NALCN: variants seen among roughly 807,000 people sequenced by gnomAD.
NALCN encodes sodium leak channel NALCN.
Under a neutral mutation model 225.3 loss-of-function variants are expected in NALCN, and 111 were observed. That is an observed-to-expected ratio of 0.49 (90% CI 0.42 to 0.58). The LOEUF is 0.58. NALCN is among the 20% of genes least tolerant of loss of function. The pLI is 0.00. For missense variants in NALCN, 1,378 were observed against 2,202.4 expected, an observed-to-expected ratio of 0.63 and a Z score of 7.49; for synonymous variants, 764 against 769.0, an observed-to-expected ratio of 0.99 and a Z score of 0.11.
intron 10 of NALCN, among the ~76,000 whole-genome samples, chr13:101,271,750 G>A (rs1408404915): frequency 2.6e-5 from 4 of 151,388 alleles, no homozygotes; most frequent in Admixed American, 6.6e-5. Context: ...CTGAGTATGC[G>A]TGAGGTGTGT....
chr13:101,158,619 G>A (rs941860618), intron 15 of NALCN, among the ~76,000 whole-genome samples: 5 of 152,176 alleles, frequency 3.3e-5, no homozygotes, highest in African/African-American at 1.2e-4. Context: ...ACCCCCATCT[G>A]CACCATTCTT....
intron 10 of NALCN, among the ~76,000 whole-genome samples, chr13:101,273,855 AGCCTGG>A (rs1472627045): frequency 6.8e-6 from 1 of 148,012 alleles, no homozygotes; most frequent in Non-Finnish European, 1.5e-5. Context: ...ACCGCACTCC[AGCCTGG>A]GCGACAGAGC....
At chr13:101,293,532 T>C (rs2043625794) in intron 7 of NALCN, among the ~76,000 whole-genome samples, 1 of 152,214 alleles carries the variant, frequency 6.6e-6, no homozygotes, top group Admixed American at 6.5e-5. Flanking sequence ...TTACAGAATA[T>C]AAAACCAATC....
chr13:101,121,164 G>A (rs2035954960), intron 18 of NALCN, among the ~76,000 whole-genome samples: 8 of 152,078 alleles, frequency 5.3e-5, no homozygotes, highest in Admixed American at 5.2e-4. Flanking sequence ...CCAGCCAGGG[G>A]GGATTTAACA....
chr13:101,355,168 A>T (rs1174093580), intron 6 of NALCN, among the ~76,000 whole-genome samples: 1 of 152,156 alleles, frequency 6.6e-6, no homozygotes, highest in Non-Finnish European at 1.5e-5. Flanking sequence ...GAAGCTGAGC[A>T]GGTGCCTGGT....
chr13:101,058,427 CAGTCTACTGT>C, intron 42 of NALCN: 2 of 150,022 alleles, frequency 1.3e-5, no homozygotes, highest in Non-Finnish European at 2.9e-5. Flanking sequence ...TGGGCGGGGG[CAGTCTACTGT>C]CACCAGCCTG....
At chr13:101,311,251 A>G (rs1285701895) in intron 7 of NALCN, among the ~76,000 whole-genome samples, 1 of 151,526 alleles carries the variant, frequency 6.6e-6, no homozygotes, top group Non-Finnish European at 1.5e-5. Context: ...CAGCTTAAGG[A>G]GATTTTGGGC....
intron 11 of NALCN, among the ~76,000 whole-genome samples, chr13:101,252,061 T>C (rs2140194558): frequency 6.6e-6 from 1 of 152,346 alleles, no homozygotes; most frequent in East Asian, 1.9e-4. Context: ...AAAATTTCTT[T>C]GATAAATCAT....
intron 17 of NALCN, among the ~76,000 whole-genome samples, chr13:101,133,989 G>T (rs2036640065): frequency 6.6e-6 from 1 of 152,078 alleles, no homozygotes; most frequent in Non-Finnish European, 1.5e-5. Flanking sequence ...CTAACATGGT[G>T]AAACCCCGTC....
At chr13:101,192,174 A>C (rs2039708632) in intron 13 of NALCN, 120 bp from the exon 14 acceptor site, 1 of 1,116,424 alleles carries the variant, frequency 9.0e-7, no homozygotes, top group Non-Finnish European at 1.2e-6. Flanking sequence ...TGATCAGGGC[A>C]AGAACAGTCT....
At chr13:101,279,087 T>G (rs1438401291) in intron 10 of NALCN, among the ~76,000 whole-genome samples, 1 of 151,354 alleles carries the variant, frequency 6.6e-6, no homozygotes, top group Non-Finnish European at 1.5e-5. Context: ...GTAATGGAAT[T>G]TCCCCTGGTT....
Position 101,372,994 on chromosome 13 carries a change from T to C in NALCN, c.644+3706A>G, listed in dbSNP as rs548611325. The C allele has an allele frequency of 5.8e-4, 179 of 309,154 alleles. 1 individual carries two copies. The highest frequency in any genetic ancestry group is 4.0e-3 in the African/African-American group (175 of 44,182). 19.2% of individuals were successfully genotyped at this position (309,154 alleles called of 1,614,324 possible). Reference sequence around the variant, plus strand: ...TCAGGAAAAAATGGCTTATTACCACTATTCTACAGATGTTAAAAAGATAAT... The same window carrying C: ...TCAGGAAAAAATGGCTTATTACCACCATTCTACAGATGTTAAAAAGATAAT... On this transcript the variant is annotated intron_variant, in intron 6 of 43. Transcript: ENST00000251127.
chr13:101,055,391 A>G lies in NALCN; in HGVS notation c.5121T>C (p.Thr1707=). 6.2e-7 allele frequency: 1 copy of G among 1,614,178 alleles called. No individual in the cohort carries two copies. The highest frequency in any genetic ancestry group is 8.5e-7 in the Non-Finnish European group (1 of 1,180,012). The change falls in exon 44 of 44, where the codon ACT becomes ACC. Residue 1707 remains threonine (T), a synonymous_variant. Transcript: ENST00000251127. ...KSVVCKMNPM[T]DAASCGSEVK... ...CTTCAGAACCGCAGGAAGCCGCGTC[A>G]GTCATGGGGTTCATTTTGCACACGA...
intron 6 of NALCN, among the ~76,000 whole-genome samples, chr13:101,355,155 T>G (rs1415990934): frequency 2.0e-5 from 3 of 152,104 alleles, no homozygotes; most frequent in Admixed American, 2.0e-4. Flanking sequence ...TGAGGCCTCA[T>G]CAGAAGCTGA....
intron 20 of NALCN, among the ~76,000 whole-genome samples, chr13:101,109,777 C>T (rs2035333472): frequency 6.6e-6 from 1 of 152,070 alleles, no homozygotes; most frequent in African/African-American, 2.4e-5. Flanking sequence ...TTTTTCATGT[C>T]TCCTTCATTT....
chr13:101,297,460 C>A (rs2043798547), intron 7 of NALCN, among the ~76,000 whole-genome samples: 1 of 152,192 alleles, frequency 6.6e-6, no homozygotes, highest in Non-Finnish European at 1.5e-5. Context: ...CTTTCTCTCT[C>A]CCAGTGTTTG....
At position 101,237,764 on chromosome 13, in the gene NALCN, C is replaced by T. The variant is rs370195335; in HGVS notation, c.1425G>A (p.Thr475=). Residue 475 remains threonine, a synonymous_variant, in exon 12 of 44, where the codon ACG becomes ACA. Coordinates refer to ENST00000251127, the MANE Select transcript of NALCN (RefSeq NM_052867.4). ...GCATTATTTTTATTACCTGAAAGTACGTGAATTGTGAATGATAAAGATCTG... is the reference window on the plus strand; with the variant it reads ...GCATTATTTTTATTACCTGAAAGTATGTGAATTGTGAATGATAAAGATCTG... ...VYPDLYHSQF[T]YFQVLRVVRL... is the part of the protein sequence containing the mutation. 1.1e-5 allele frequency: 18 copies of T among 1,570,418 alleles called. No homozygotes were observed. Among genetic ancestry groups the T allele is most frequent in the South Asian group, 1.1e-4 (9 of 81,326 alleles).
intron 13 of NALCN, among the ~76,000 whole-genome samples, chr13:101,202,061 G>A (rs1484046136): frequency 1.3e-5 from 2 of 152,074 alleles, no homozygotes; most frequent in Non-Finnish European, 2.9e-5. Context: ...TTCCCAAACA[G>A]CAATAATTAG....
Position 101,058,068 on chromosome 13 carries a change from G to A in NALCN, c.4906-12C>T, listed in dbSNP as rs1281897661. ...TGCTGGCTGCTTGTCTGCATGGGAGGAGAAGCACACAGTTACCGTCTTTTT... is the reference window on the plus strand; with the variant it reads ...TGCTGGCTGCTTGTCTGCATGGGAGAAGAAGCACACAGTTACCGTCTTTTT... On this transcript the variant is annotated splice_polypyrimidine_tract_variant and intron_variant, in intron 42 of 43. Coordinates refer to ENST00000251127, the MANE Select transcript of NALCN (RefSeq NM_052867.4). 1.2e-6 allele frequency: 2 copies of A among 1,608,540 alleles called. No homozygotes were observed. The highest frequency in any genetic ancestry group is 1.7e-6 in the Non-Finnish European group (2 of 1,178,030).
Sources: gnomAD v4.1 joint callset for allele counts (sites outside exome capture counted in the v4.1 genomes callset) on GRCh38, gnomAD v4.1.1 for gene constraint, MANE v1.5 for transcripts, NCBI Gene and HGNC (gene_info 2026-07-23, HGNC 2026-07-21) for gene names.